The following SASH1 variants were observed in gnomAD, a reference collection of about 807,000 sequenced individuals.
SASH1 encodes the protein SAM and SH3 domain-containing protein 1.
A neutral mutation model predicts 125.2 loss-of-function variants in SASH1; 44 were observed. The ratio of observed to expected loss-of-function variants is 0.35; its 90% CI spans 0.28 to 0.45. SASH1 has a LOEUF of 0.45. Ranked by LOEUF, SASH1 falls within the 20% of genes least tolerant of loss-of-function variation. The pLI, the probability that SASH1 is intolerant of heterozygous loss-of-function variation, is 1.00. For synonymous variants in SASH1, 639 were observed against 649.1 expected (o/e 0.98, Z 0.24); for missense variants, 1,426 against 1,614.5 (o/e 0.88, Z 2.00).
At chr6:148,264,747 C>CA in the SASH1 span, among the ~76,000 whole-genome samples, 1 of 152,240 alleles carries the variant, frequency 6.6e-6, no homozygotes, top group Non-Finnish European at 1.5e-5. Flanking sequence ...CTGGCCTCTT[C>CA]ATATCCTTTG....
intron 4 of SASH1, among the ~76,000 whole-genome samples, chr6:148,448,711 T>A (rs1023956850): frequency 2.6e-5 from 4 of 152,246 alleles, no homozygotes; most frequent in Non-Finnish European, 5.9e-5. Flanking sequence ...TAGATTTAAC[T>A]CTCTCGCTCT....
At chr6:148,425,715 C>T (rs1307564159) in intron 2 of SASH1, among the ~76,000 whole-genome samples, 35 of 105,954 alleles carry the variant, frequency 3.3e-4, no homozygotes, top group Middle Eastern at 4.2e-3. Flanking sequence ...CCCTCCCATC[C>T]CCCTCTCCCT....
intron 1 of SASH1, among the ~76,000 whole-genome samples, chr6:148,314,274 A>G (rs982616324): frequency 3.9e-5 from 6 of 152,304 alleles, no homozygotes; most frequent in Admixed American, 2.0e-4. Flanking sequence ...CCACAGCTAC[A>G]CACTTCCCCA....
rs553366474 is a variant in SASH1 at position 148,350,077 on chromosome 6, C to T, written c.156+6854C>T. The stretch of plus-strand genomic sequence containing the variant: ...AGCCAGGATGGTCTCGATCTCCTGA[C>T]CTCGTGATCCACTCACCTCGGCCTC... On this transcript the variant is annotated intron_variant, in intron 1 of 19. Coordinates refer to ENST00000367467, the MANE Select transcript of SASH1 (RefSeq NM_015278.5). 3.9e-5 allele frequency among the ~76,000 whole-genome samples: 6 copies of T among 151,912 alleles called. No homozygotes were observed. In the East Asian group the frequency reaches 9.8e-4, roughly 25 times the overall value.
chr6:148,402,958 A>G (rs529307826), intron 2 of SASH1, among the ~76,000 whole-genome samples: 1 of 152,282 alleles, frequency 6.6e-6, no homozygotes, highest in East Asian at 1.9e-4. Flanking sequence ...GTTCCTGGGT[A>G]CATGCTAGAG....
intron 2 of SASH1, among the ~76,000 whole-genome samples, chr6:148,402,114 T>C (rs1183472435): frequency 6.6e-6 from 1 of 152,206 alleles, no homozygotes; most frequent in African/African-American, 2.4e-5. Context: ...ATCTTTTCAA[T>C]GCTAGCGATG....
At chr6:148,418,209 T>G (rs958038893) in intron 2 of SASH1, among the ~76,000 whole-genome samples, 5 of 152,220 alleles carry the variant, frequency 3.3e-5, no homozygotes, top group Non-Finnish European at 7.3e-5. Context: ...AATTTTTTGT[T>G]TACCACTTGC....
intron 1 of SASH1, among the ~76,000 whole-genome samples, chr6:148,330,209 G>A (rs1331566770): frequency 6.6e-6 from 1 of 152,120 alleles, no homozygotes; most frequent in Non-Finnish European, 1.5e-5. Flanking sequence ...TGGTGTTGTT[G>A]TTCACCCAAA....
intron 8 of SASH1, among the ~76,000 whole-genome samples, chr6:148,499,207 A>T (rs1056339584): frequency 1.3e-5 from 2 of 151,738 alleles, no homozygotes; most frequent in Admixed American, 6.6e-5. Context: ...ACACAACCAA[A>T]TTTTTTTACA....
At chr6:148,441,881 G>C (rs1776562017) in intron 4 of SASH1, among the ~76,000 whole-genome samples, 1 of 152,064 alleles carries the variant, frequency 6.6e-6, no homozygotes, top group Non-Finnish European at 1.5e-5. Context: ...AGAGACTGAT[G>C]GCCTCCTCTG....
chr6:148,387,435 TTCTTC>T (rs1274575747), intron 1 of SASH1, among the ~76,000 whole-genome samples: 2 of 151,798 alleles, frequency 1.3e-5, no homozygotes, highest in East Asian at 1.9e-4. Flanking sequence ...TTTTCCTTTT[TTCTTC>T]TCTTCTCTTC....
intron 1 of SASH1, among the ~76,000 whole-genome samples, chr6:148,302,843 T>TATATAC (rs1399142875): frequency 7.2e-6 from 1 of 138,180 alleles, no homozygotes; most frequent in South Asian, 2.3e-4. Context: ...TATATATATA[T>TATATAC]ACACACACAC....
chr6:148,336,176 CTTTT>C (rs61290611), intron 1 of SASH1, among the ~76,000 whole-genome samples: 1 of 70,726 alleles, frequency 1.4e-5, no homozygotes, highest in Non-Finnish European at 2.6e-5. Flanking sequence ...AAACTGCATC[CTTTT>C]TTTTTTTTTT....
At position 148,357,482 on chromosome 6, in the gene SASH1, G is replaced by A. The variant is rs114894050; in HGVS notation, c.156+14259G>A. Among the ~76,000 whole-genome samples the A allele has an allele frequency of 6.3e-3, 957 of 152,276 alleles. 16 individuals are homozygous for A. Among genetic ancestry groups the A allele is most frequent in the African/African-American group, 0.022 (900 of 41,550 alleles). ...TGAGCAGAGTTTGATGGTAAAGCCA[G>A]AAAGTCTCCCACAGTCTGGGTTTTC... is the stretch of plus-strand genomic sequence containing the variant. On this transcript the variant is annotated intron_variant, in intron 1 of 19. Coordinates refer to ENST00000367467, the MANE Select transcript of SASH1 (RefSeq NM_015278.5).
rs1781516203 is a variant in SASH1 at position 148,531,543 on chromosome 6, A to G, written c.1446A>G (p.Gly482=). ...CATGGCAGGACTCGGGCCTTGATGG[A>G]ATGCCTGGCTCCCCTCCGCCTTCAC... ...SVSEQDSGLD[G]MPGSPPPSQP... is the part of the protein sequence containing the mutation. The change falls in exon 13 of 20, where the codon GGA becomes GGG. Residue 482 remains glycine (G), a synonymous_variant. Transcript: ENST00000367467. 1 of 1,547,964 alleles carries G rather than the reference A, an allele frequency of 6.5e-7. No individual in the cohort carries two copies. The highest frequency in any genetic ancestry group is 8.7e-7 in the Non-Finnish European group (1 of 1,145,148).
At chr6:148,294,719 A>T (rs549849789) in intron 1 of SASH1, among the ~76,000 whole-genome samples, 8 of 152,326 alleles carry the variant, frequency 5.3e-5, no homozygotes, top group Middle Eastern at 3.4e-3. Context: ...TCAGATCCCA[A>T]GGTCTTAATC....
intron 2 of SASH1, among the ~76,000 whole-genome samples, chr6:148,391,046 G>A (rs1440378012): frequency 1.3e-5 from 2 of 151,828 alleles, no homozygotes; most frequent in African/African-American, 4.8e-5. Context: ...TGTTTTAGCG[G>A]GTATCCTTCT....
intron 1 of SASH1, among the ~76,000 whole-genome samples, chr6:148,374,710 G>C (rs73009526): frequency 0.26 from 39,761 of 151,346 alleles, 5,503 homozygotes; most frequent in Non-Finnish European, 0.31. Context: ...TTTTTGGGGG[G>C]GGGGGAGATG....
rs1583346724 is a variant in SASH1, at chr6:148,548,541, G to A, written c.3727G>A (p.Gly1243Ser). 1 of 1,606,238 alleles carries A rather than the reference G, an allele frequency of 6.2e-7. No individual in the cohort carries two copies. The highest frequency in any genetic ancestry group is 8.5e-7 in the Non-Finnish European group (1 of 1,176,116). ...SAARLFKLPP[G>S]PEAM ...AGCCAGACTCTTCAAACTGCCGCCA[G>A]GCCCTGAGGCCATGTAGCCAGGCCC... The change falls in exon 20 of 20, where the codon GGC becomes AGC. Residue 1243 changes from glycine (G) to serine (S), a missense_variant. Physicochemically the swap from Gly to Ser is moderately conservative, Grantham distance 56 (BLOSUM62 0). Coordinates refer to ENST00000367467, the MANE Select transcript of SASH1 (RefSeq NM_015278.5).
Sources: gnomAD v4.1 joint callset for allele counts (sites outside exome capture counted in the v4.1 genomes callset) on GRCh38, gnomAD v4.1.1 for gene constraint, MANE v1.5 for transcripts, NCBI Gene and HGNC (gene_info 2026-07-23, HGNC 2026-07-21) for gene names.